Variants in PANK4 observed in about 807,000 individuals in gnomAD.
PANK4 encodes the protein pantothenate kinase 4 (inactive).
PANK4 carries 40 observed loss-of-function variants against 87.9 expected under a neutral mutation model. That is an observed-to-expected ratio of 0.46 (90% CI 0.35 to 0.59). PANK4 has a LOEUF of 0.59. PANK4 is among the 20% of genes least tolerant of loss of function. The pLI, the probability that PANK4 is intolerant of heterozygous loss-of-function variation, is 0.00. For missense variants in PANK4, 926 were observed against 1,072.3 expected (o/e 0.86, Z 1.90); for synonymous variants, 524 against 467.4 (o/e 1.12, Z -1.56).
Position 2,510,662 on chromosome 1 carries a change from C to T in PANK4, c.1938+16G>A. On this transcript the variant is annotated intron_variant, in intron 16 of 18. Coordinates refer to ENST00000378466, the MANE Select transcript of PANK4 (RefSeq NM_018216.4). This position sits in a 1 kb window ranked among gnomAD's most constrained non-coding sequence, Gnocchi z 4.9. The stretch of plus-strand genomic sequence containing the variant: ...AAGCCCAGGGGAAGGGCCCCACCCA[C>T]CACCTCAACACTCACCTCTGTCCCT... 1 of 1,464,088 alleles carries T rather than the reference C, an allele frequency of 6.8e-7. No individual in the cohort carries two copies. Among genetic ancestry groups the T allele is most frequent in the Non-Finnish European group, 9.6e-7 (1 of 1,045,008 alleles). 90.7% of individuals were successfully genotyped at this position (1,464,088 alleles called of 1,614,324 possible).
chr1:2,514,267 G>T, intron 11 of PANK4, 87 bp downstream of exon 11: 2 of 1,223,992 alleles, frequency 1.6e-6, no homozygotes, highest in East Asian at 4.7e-5. Context: ...GCTGGGGTCC[G>T]AATGCCAACA....
rs145279018 is a variant in PANK4 at position 2,517,968 on chromosome 1, T to C, written c.1218+196A>G. Reference sequence around the variant, plus strand: ...GTTTCCAAAATACGAAAGCACCCAATGAGGGAGATGGGAAAGCAAGCCACA... The same window carrying C: ...GTTTCCAAAATACGAAAGCACCCAACGAGGGAGATGGGAAAGCAAGCCACA... On this transcript the variant is annotated intron_variant, in intron 9 of 18. Transcript: ENST00000378466. Among the ~76,000 whole-genome samples the C allele has an allele frequency of 1.7e-3, 263 of 152,258 alleles. 2 individuals carry two copies. The highest frequency in any genetic ancestry group is 5.6e-3 in the African/African-American group (234 of 41,554).
chr1:2,514,509 G>A lies in PANK4; in HGVS notation c.1375-43C>T, dbSNP rs775624976. 7.5e-6 allele frequency: 11 copies of A among 1,470,474 alleles called. No individual in the cohort carries two copies. In the South Asian group the frequency reaches 1.2e-4, roughly 17 times the overall value. 91.1% of individuals were successfully genotyped at this position (1,470,474 alleles called of 1,614,324 possible). ...AGGGGGTTAGTCAAGCGCTGGCCCTGCTGCTTGCGAATCCCCACGTGACAG... is the reference window on the plus strand; with the variant it reads ...AGGGGGTTAGTCAAGCGCTGGCCCTACTGCTTGCGAATCCCCACGTGACAG... On this transcript the variant is annotated intron_variant, in intron 10 of 18. Transcript: ENST00000378466.
At position 2,520,243 on chromosome 1, in the gene PANK4, C is replaced by A; in HGVS notation, c.699+79G>T. The A allele has an allele frequency of 7.3e-7, 1 of 1,362,784 alleles. No homozygotes were observed. The highest frequency in any genetic ancestry group is 2.3e-5 in the East Asian group (1 of 43,508). The allele number at this position is 1,362,784 out of a possible 1,614,324, so 84.4% of individuals were successfully genotyped here. A position where few individuals can be genotyped will look rare whatever the true frequency, so the allele number is the denominator to read the frequency against. On this transcript the variant is annotated intron_variant, in intron 5 of 18. Transcript: ENST00000378466. This position sits in a 1 kb window ranked among gnomAD's most constrained non-coding sequence, Gnocchi z 6.2. ...GGAGGCCCGGAAGCAGCTTTTGCAC[C>A]GCCCAGCTGCAGGCCTTCGGGGGAA...
At position 2,510,506 on chromosome 1, in the gene PANK4, G is replaced by A. The variant is rs1320702066; in HGVS notation, c.1938+172C>T. The A allele has an allele frequency of 1.3e-5, 8 of 629,644 alleles. No homozygotes were observed. The highest frequency in any genetic ancestry group is 9.4e-5 in the South Asian group (5 of 53,472). 39.0% of individuals were successfully genotyped at this position (629,644 alleles called of 1,614,324 possible). On this transcript the variant is annotated intron_variant, in intron 16 of 18. Coordinates refer to ENST00000378466, the MANE Select transcript of PANK4 (RefSeq NM_018216.4). The surrounding 1 kb of genome is among the most constrained non-coding windows in gnomAD (Gnocchi z 4.9). ...TCAGCCTGAGCCCAGGGGGCTCGGA[G>A]CCTCCACCCCAGCAGATGACGGCTC... is the stretch of plus-strand genomic sequence containing the variant.
At chr1:2,521,540 C>G (rs12073504) in intron 2 of PANK4, 178 bp downstream of exon 2, 7,535 of 719,502 alleles carry the variant, frequency 0.01, 100 homozygotes, top group South Asian at 0.036. Flanking sequence ...GGCGCAGGTT[C>G]CTACAAAGGG....
In PANK4 at chr1:2,510,897, C is replaced by T. The variant is rs557507088; in HGVS notation, c.1834-115G>A. 2.9e-6 allele frequency: 2 copies of T among 681,452 alleles called. No homozygotes were observed. Among genetic ancestry groups the T allele is most frequent in the South Asian group, 1.6e-5 (1 of 60,660 alleles). 42.2% of individuals were successfully genotyped at this position (681,452 alleles called of 1,614,324 possible). The stretch of plus-strand genomic sequence containing the variant: ...GGGGCCGAGACTGGGGGCTTCAGGG[C>T]CCCAGAGATGCCAGGGATGGGCTGT... On this transcript the variant is annotated intron_variant, in intron 15 of 18. Coordinates refer to ENST00000378466, the MANE Select transcript of PANK4 (RefSeq NM_018216.4). The surrounding 1 kb of genome is among the most constrained non-coding windows in gnomAD (Gnocchi z 4.9).
At chr1:2,522,882 G>A (rs1643888797) in intron 1 of PANK4, among the ~76,000 whole-genome samples, 1 of 140,712 alleles carries the variant, frequency 7.1e-6, no homozygotes, top group Non-Finnish European at 1.5e-5. Flanking sequence ...GGAGAGCACT[G>A]TGTGTGCTAT....
chr1:2,526,419 C>G, intron 1 of PANK4, 45 bp downstream of exon 1: 1 of 1,084,552 alleles, frequency 9.2e-7, no homozygotes, highest in Non-Finnish European at 1.1e-6. Flanking sequence ...CGCCGGCGCC[C>G]CGCCCGCCCC....
At chr1:2,518,333 G>A (rs1030551853) in intron 8 of PANK4, 69 bp from the exon 9 acceptor site, 6 of 1,151,960 alleles carry the variant, frequency 5.2e-6, no homozygotes, top group African/African-American at 1.5e-5. Flanking sequence ...GAGTGGAGGA[G>A]GAAAGGGTAT....
chr1:2,520,484 C>G lies in PANK4; in HGVS notation c.607-70G>C. 3.9e-6 allele frequency: 5 copies of G among 1,279,710 alleles called. No individual in the cohort carries two copies. The highest frequency in any genetic ancestry group is 5.4e-6 in the Non-Finnish European group (5 of 918,708). The allele number at this position is 1,279,710 out of a possible 1,614,324, so 79.3% of individuals were successfully genotyped here. A position where few individuals can be genotyped will look rare whatever the true frequency, so the allele number is the denominator to read the frequency against. The stretch of plus-strand genomic sequence containing the variant: ...CACACAGGCTCCCCCGCCCCCCGCC[C>G]CATGTGCTGCGCTGGGGTGAACCCC... On this transcript the variant is annotated intron_variant, in intron 4 of 18. Transcript: ENST00000378466. The surrounding 1 kb of genome is among the most constrained non-coding windows in gnomAD (Gnocchi z 6.2).
At chr1:2,514,161 T>A in intron 11 of PANK4, 72 bp from the exon 12 acceptor site, 2 of 1,363,096 alleles carry the variant, frequency 1.5e-6, no homozygotes, top group Non-Finnish European at 2.1e-6. Flanking sequence ...TCCTCGGCTG[T>A]GCCACGGACG....
chr1:2,521,536 G>A (rs1643875302), intron 2 of PANK4, 182 bp downstream of exon 2: 2 of 713,760 alleles, frequency 2.8e-6, no homozygotes, highest in South Asian at 3.2e-5. Context: ...GGCGGGCGCA[G>A]GTTCCTACAA....
chr1:2,513,930 CAG>C, intron 12 of PANK4, 70 bp downstream of exon 12: 3 of 1,155,432 alleles, frequency 2.6e-6, no homozygotes, highest in Non-Finnish European at 2.6e-6. Flanking sequence ...GCCAGCGGGA[CAG>C]AGACAGGACA....
rs546784625 is a variant in PANK4, at chr1:2,520,609, C to G, written c.606+114G>C. ...TCTGAGCTCACAGCCTCGCCACCCCCCTCCCGCCCACTGGGCCCCATCCAT... is the reference window on the plus strand; with the variant it reads ...TCTGAGCTCACAGCCTCGCCACCCCGCTCCCGCCCACTGGGCCCCATCCAT... On this transcript the variant is annotated intron_variant, in intron 4 of 18. Transcript: ENST00000378466. The surrounding 1 kb of genome is among the most constrained non-coding windows in gnomAD (Gnocchi z 6.2). 17 of 1,156,904 alleles carry G rather than the reference C, an allele frequency of 1.5e-5. No individual in the cohort carries two copies. In the South Asian group the frequency reaches 2.4e-4, roughly 16 times the overall value. The allele number at this position is 1,156,904 out of a possible 1,614,324, so 71.7% of individuals were successfully genotyped here.
At chr1:2,518,458 A>C in intron 8 of PANK4, 58 bp downstream of exon 8, 1 of 1,428,404 alleles carries the variant, frequency 7.0e-7, no homozygotes, top group Non-Finnish European at 9.6e-7. Flanking sequence ...CCTGGAGCAC[A>C]GGCCCAGGCC....
chr1:2,522,791 C>A (rs11582711), intron 1 of PANK4, among the ~76,000 whole-genome samples: 1 of 4,508 alleles, frequency 2.2e-4, no homozygotes, highest in Non-Finnish European at 4.1e-4. Context: ...CCGTATGGTG[C>A]TATAGTGACT....
chr1:2,516,024 CCCT>C (rs886784920), intron 9 of PANK4: 11 of 476,986 alleles, frequency 2.3e-5, no homozygotes, highest in Non-Finnish European at 3.0e-5. Context: ...CTCCCATCAC[CCCT>C]CCTCCACCAT....
At position 2,510,034 on chromosome 1, in the gene PANK4, C is replaced by A. The variant is rs779889996; in HGVS notation, c.2039+23G>T. 1.1e-5 allele frequency: 18 copies of A among 1,589,098 alleles called. No individual in the cohort carries two copies. Among genetic ancestry groups the A allele is most frequent in the Admixed American group, 1.7e-5 (1 of 58,594 alleles). ...GTGCCCCTCCCCATCAAGGCCCCCC[C>A]AGCACTGCCCGCCAACACTCACTGC... On this transcript the variant is annotated intron_variant, in intron 17 of 18. Coordinates refer to ENST00000378466, the MANE Select transcript of PANK4 (RefSeq NM_018216.4). This position sits in a 1 kb window ranked among gnomAD's most constrained non-coding sequence, Gnocchi z 4.9.
Sources: allele counts gnomAD v4.1 joint callset (sites outside exome capture counted in the v4.1 genomes callset), GRCh38; gene constraint gnomAD v4.1.1; non-coding constraint Gnocchi (gnomAD v3.1); transcripts MANE v1.5; gene names NCBI Gene and HGNC (gene_info 2026-07-23, HGNC 2026-07-21).